The following PXDNL variants were observed in gnomAD, a reference collection of about 807,000 sequenced individuals.
The protein encoded by PXDNL is probable oxidoreductase PXDNL.
A neutral mutation model predicts 150.8 loss-of-function variants in PXDNL; 145 were observed. The observed-to-expected ratio is 0.96, with a 90% CI of 0.84 to 1.10. The LOEUF (loss-of-function observed/expected upper bound fraction) is 1.10. Ranked by LOEUF, PXDNL falls within the 50% of genes least tolerant of loss-of-function variation. PXDNL has a pLI of 0.00. For missense variants in PXDNL, 2,087 were observed against 1,873.9 expected, an observed-to-expected ratio of 1.11 and a Z score of -2.10; for synonymous variants, 757 against 725.7, an observed-to-expected ratio of 1.04 and a Z score of -0.69.
chr8:51,652,727 A>G (rs1815067648), intron 2 of PXDNL, among the ~76,000 whole-genome samples: 3 of 152,244 alleles, frequency 2.0e-5, no homozygotes, highest in African/African-American at 7.2e-5. Flanking sequence ...CATGAAAGAA[A>G]GGAATATAGA....
intron 3 of PXDNL, among the ~76,000 whole-genome samples, chr8:51,577,975 GAAAGAAAGAAA>G (rs1813103898): frequency 1.1e-5 from 1 of 92,260 alleles, no homozygotes; most frequent in Non-Finnish European, 2.2e-5. Flanking sequence ...AAGAAAGAAA[GAAAGAAAGAAA>G]GAAAGAAAGA....
intron 4 of PXDNL, among the ~76,000 whole-genome samples, chr8:51,504,782 T>A (rs1460764971): frequency 6.6e-6 from 1 of 152,242 alleles, no homozygotes; most frequent in Non-Finnish European, 1.5e-5. Context: ...GACCAGCCAG[T>A]ATTTTTGCAT....
intron 2 of PXDNL, among the ~76,000 whole-genome samples, chr8:51,624,554 A>G (rs1382003622): frequency 6.6e-6 from 1 of 151,894 alleles, no homozygotes; most frequent in Non-Finnish European, 1.5e-5. Flanking sequence ...ATTTTCTAAA[A>G]CAAACTATAA....
intron 17 of PXDNL, among the ~76,000 whole-genome samples, chr8:51,396,756 C>A (rs995453747): frequency 1.6e-4 from 25 of 152,092 alleles, no homozygotes; most frequent in African/African-American, 5.3e-4. Flanking sequence ...GAAACTCCGT[C>A]TCAAAAATAA....
At chr8:51,497,758 G>A (rs1379608712) in intron 5 of PXDNL, among the ~76,000 whole-genome samples, 10 of 152,080 alleles carry the variant, frequency 6.6e-5, no homozygotes, top group Non-Finnish European at 1.2e-4. Flanking sequence ...TTAGAATGAC[G>A]ATCATTAAAA....
chr8:51,608,652 A>C (rs1198091051), intron 2 of PXDNL, among the ~76,000 whole-genome samples: 2 of 148,822 alleles, frequency 1.3e-5, no homozygotes, highest in Non-Finnish European at 3.0e-5. Context: ...CCTGGCTAAC[A>C]CGGTGAAACC....
intron 2 of PXDNL, among the ~76,000 whole-genome samples, chr8:51,602,207 G>T (rs1314145404): frequency 6.6e-6 from 1 of 151,034 alleles, no homozygotes; most frequent in Non-Finnish European, 1.5e-5. Context: ...TAGATTTTTT[G>T]TATCTAGATG....
chr8:51,446,900 A>ATATG, intron 12 of PXDNL, 104 bp downstream of exon 12: 2 of 825,572 alleles, frequency 2.4e-6, no homozygotes, highest in Non-Finnish European at 1.9e-6. Context: ...ATGACTATAT[A>ATATG]TATATATATA....
At chr8:51,581,850 T>A (rs1030879092) in intron 3 of PXDNL, among the ~76,000 whole-genome samples, 1 of 152,166 alleles carries the variant, frequency 6.6e-6, no homozygotes, top group Non-Finnish European at 1.5e-5. Flanking sequence ...GGTCCTCAGC[T>A]TTTGATGGGA....
At chr8:51,384,447 A>G (rs1305628361) in intron 17 of PXDNL, among the ~76,000 whole-genome samples, 1 of 152,188 alleles carries the variant, frequency 6.6e-6, no homozygotes, top group Non-Finnish European at 1.5e-5. Flanking sequence ...CTTTACTTGA[A>G]AGAAAATTTT....
At position 51,606,094 on chromosome 8, in the gene PXDNL, G is replaced by T. The variant is rs532450064; in HGVS notation, c.237-13396C>A. On this transcript the variant is annotated intron_variant, in intron 2 of 22. Transcript: ENST00000356297. ...ATCTCTTTTTAAAAAAAGAAAAGAT[G>T]CCAGATTCTATGAGATTGTGAATTG... 2.0e-5 allele frequency among the ~76,000 whole-genome samples: 3 copies of T among 152,250 alleles called. No individual in the cohort carries two copies. The East Asian group carries it at 5.8e-4, about 29-fold the overall frequency.
At chr8:51,483,524 T>G in intron 6 of PXDNL, 119 bp downstream of exon 6, 1 of 698,930 alleles carries the variant, frequency 1.4e-6, no homozygotes, top group Non-Finnish European at 2.5e-6. Context: ...CTCCCTAACA[T>G]GCTAGAATTG....
In PXDNL at chr8:51,716,224, A is replaced by G. The variant is rs747819528; in HGVS notation, c.165-61464T>C. ...CATCTGGCAAGATCCTAATGAACAA[A>G]GGAAAGATCTATGTTTAATGAAGCA... On this transcript the variant is annotated intron_variant, in intron 1 of 22. Coordinates refer to ENST00000356297, the MANE Select transcript of PXDNL (RefSeq NM_144651.5). Among the ~76,000 whole-genome samples the G allele has an allele frequency of 5.3e-5, 8 of 152,246 alleles. 1 individual carries two copies. The highest frequency in any genetic ancestry group is 1.3e-4 in the Admixed American group (2 of 15,288).
At chr8:51,424,482 GT>G (rs1809038517) in intron 13 of PXDNL, among the ~76,000 whole-genome samples, 1 of 151,434 alleles carries the variant, frequency 6.6e-6, no homozygotes, top group African/African-American at 2.4e-5. Context: ...TTTCTACCTT[GT>G]ATGTACTCAT....
At chr8:51,526,773 A>T (rs192371103) in intron 4 of PXDNL, among the ~76,000 whole-genome samples, 15 of 152,276 alleles carry the variant, frequency 9.9e-5, no homozygotes, top group Admixed American at 5.9e-4. Context: ...GAGTGCCTGG[A>T]CCACCATTAC....
At chr8:51,540,096 C>T (rs1236419764) in intron 4 of PXDNL, among the ~76,000 whole-genome samples, 1 of 152,014 alleles carries the variant, frequency 6.6e-6, no homozygotes, top group Non-Finnish European at 1.5e-5. Context: ...TGGGATTTCT[C>T]CATGTTGGCC....
intron 3 of PXDNL, among the ~76,000 whole-genome samples, chr8:51,570,027 A>G (rs910263842): frequency 1.3e-5 from 2 of 151,914 alleles, no homozygotes; most frequent in Non-Finnish European, 2.9e-5. Flanking sequence ...CAACTTCCTC[A>G]TTTCTTAGTT....
intron 1 of PXDNL, among the ~76,000 whole-genome samples, chr8:51,728,154 T>C (rs1816852092): frequency 6.6e-6 from 1 of 152,152 alleles, no homozygotes; most frequent in Admixed American, 6.5e-5. Flanking sequence ...CAAAGTAAGG[T>C]CATTGTGTAA....
intron 1 of PXDNL, among the ~76,000 whole-genome samples, chr8:51,696,766 T>C (rs1816145845): frequency 9.6e-4 from 2 of 2,088 alleles, no homozygotes; most frequent in African/African-American, 1.5e-3. Flanking sequence ...CACATAGGTC[T>C]TCACAGGTCC....
Sources: allele counts gnomAD v4.1 joint callset (sites outside exome capture counted in the v4.1 genomes callset), GRCh38; gene constraint gnomAD v4.1.1; transcripts MANE v1.5; gene names NCBI Gene and HGNC (gene_info 2026-07-23, HGNC 2026-07-21).